The following CRYBG2 variants were observed in gnomAD, a reference collection of about 807,000 sequenced individuals.
CRYBG2 encodes crystallin beta-gamma domain containing 2, also known as beta/gamma crystallin domain-containing protein 2.
Under a neutral mutation model 153.4 loss-of-function variants are expected in CRYBG2, and 106 were observed. The observed-to-expected ratio is 0.69, with a 90% CI of 0.59 to 0.81. The LOEUF is 0.81. Among genes scored for constraint, CRYBG2 ranks in the 30% least tolerant of loss-of-function variants. The probability of loss-of-function intolerance (pLI) is 0.00; values close to 1 mark genes in which losing one functional copy is unlikely to be tolerated. For missense variants in CRYBG2, 1,996 were observed against 2,112.0 expected, an observed-to-expected ratio of 0.95 and a Z score of 1.08; for synonymous variants, 851 against 877.8, an observed-to-expected ratio of 0.97 and a Z score of 0.54.
At chr1:26,330,339 G>T (rs140122810) in intron 15 of CRYBG2, among the ~76,000 whole-genome samples, 1 of 151,988 alleles carries the variant, frequency 6.6e-6, no homozygotes, top group African/African-American at 2.4e-5. Context: ...TTTATTTGTC[G>T]TCAGAGCCCA....
At chr1:26,337,158 G>C in intron 10 of CRYBG2, 95 bp downstream of exon 10, 2 of 1,574,482 alleles carry the variant, frequency 1.3e-6, no homozygotes, top group Admixed American at 3.5e-5. Flanking sequence ...GGGAGAACAC[G>C]GAGAGGGGGT....
chr1:26,345,837 A>G lies in CRYBG2; in HGVS notation c.821T>C (p.Leu274Ser), dbSNP rs780615736. 1.9e-6 allele frequency: 3 copies of G among 1,596,562 alleles called. No homozygotes were observed. The highest frequency in any genetic ancestry group is 2.5e-6 in the Non-Finnish European group (3 of 1,179,212). ...TGLGSTVGAA[L>S]RQLPETGTAE... is the part of the protein sequence containing the mutation. Reference sequence around the variant, plus strand: ...TGTCCCGGTCTCAGGCAGCTGCCTCAAGGCTGCCCCCACTGTGCTGCCCAG... The same window carrying G: ...TGTCCCGGTCTCAGGCAGCTGCCTCGAGGCTGCCCCCACTGTGCTGCCCAG... Residue 274 changes from leucine to serine, a missense_variant, in exon 2 of 20, where the codon TTG (leucine) becomes TCG (serine). Transcript: ENST00000308182.
At chr1:26,352,897 C>T (rs1320024288) in intron 1 of CRYBG2, among the ~76,000 whole-genome samples, 3 of 151,830 alleles carry the variant, frequency 2.0e-5, no homozygotes, top group Non-Finnish European at 4.4e-5. Flanking sequence ...TTCCTTGGCA[C>T]GGAAGCAGTC....
rs2074157843 is a variant in CRYBG2, at chr1:26,343,394, T to C, written c.2914-101A>G. On this transcript the variant is annotated intron_variant, in intron 2 of 19. Coordinates refer to ENST00000308182, the MANE Select transcript of CRYBG2 (RefSeq NM_001039775.4). The surrounding 1 kb of genome is among the most constrained non-coding windows in gnomAD (Gnocchi z 4.1). ...GGATCCCACATCCTCCCTATTAACC[T>C]CCACCCGCAAGGAGCTGGCGCATAG... The C allele has an allele frequency of 7.3e-7, 1 of 1,360,904 alleles. No homozygotes were observed. The allele number at this position is 1,360,904 out of a possible 1,614,324, so 84.3% of individuals were successfully genotyped here.
chr1:26,344,385 ACCTCAT>A lies in CRYBG2; in HGVS notation c.2267_2272del (p.Asp756_Glu757del). On this transcript the variant is annotated inframe_deletion, in exon 2 of 20. Coordinates refer to ENST00000308182, the MANE Select transcript of CRYBG2 (RefSeq NM_001039775.4). ...TATCTCCAGGTCAGCGGCCAGGGCC[ACCTCAT>A]CCTCCTCCCTTGATGTCTCTGTGCA... 1 of 1,516,104 alleles carries A rather than the reference ACCTCAT, an allele frequency of 6.6e-7. No homozygotes were observed. Among genetic ancestry groups the A allele is most frequent in the South Asian group, 1.3e-5 (1 of 78,838 alleles). The allele number at this position is 1,516,104 out of a possible 1,614,324, so 93.9% of individuals were successfully genotyped here. A position where few individuals can be genotyped will look rare whatever the true frequency, so the allele number is the denominator to read the frequency against.
In CRYBG2 at chr1:26,343,623, A is replaced by AG; in HGVS notation, c.2913+121dup. On this transcript the variant is annotated intron_variant, in intron 2 of 19. Transcript: ENST00000308182. The surrounding 1 kb of genome is among the most constrained non-coding windows in gnomAD (Gnocchi z 4.1). ...GTGGCTTGCACAGGTCAACTGAACC[A>AG]GACTTCAGACAGAAGCCTCTGCCCC... is the stretch of plus-strand genomic sequence containing the variant. The AG allele has an allele frequency of 7.9e-7, 1 of 1,273,404 alleles. No homozygotes were observed. The highest frequency in any genetic ancestry group is 1.0e-6 in the Non-Finnish European group (1 of 956,420). 78.9% of individuals were successfully genotyped at this position (1,273,404 alleles called of 1,614,324 possible).
intron 15 of CRYBG2, among the ~76,000 whole-genome samples, chr1:26,329,952 G>C (rs1469903927): frequency 6.6e-6 from 1 of 152,138 alleles, no homozygotes; most frequent in Non-Finnish European, 1.5e-5. Context: ...GGCCAGGCTA[G>C]TCTCAAACTC....
Position 26,328,488 on chromosome 1 carries a change from G to A in CRYBG2, c.4455-156C>T, listed in dbSNP as rs2073960043. On this transcript the variant is annotated intron_variant, in intron 16 of 19. Coordinates refer to ENST00000308182, the MANE Select transcript of CRYBG2 (RefSeq NM_001039775.4). ...GGAATAGGGTTCCCAGGGCGGAGAG[G>A]GAGGCTGGGAAGTAGATTTGGGGTT... is the stretch of plus-strand genomic sequence containing the variant. 4 of 1,242,896 alleles carry A rather than the reference G, an allele frequency of 3.2e-6. No individual in the cohort carries two copies. The East Asian group carries it at 1.0e-4, about 32-fold the overall frequency. The allele number at this position is 1,242,896 out of a possible 1,614,324, so 77.0% of individuals were successfully genotyped here.
chr1:26,335,119 CAA>C (rs34582852), intron 14 of CRYBG2, among the ~76,000 whole-genome samples: 34,875 of 146,790 alleles, frequency 0.24, 4,188 homozygotes, highest in Non-Finnish European at 0.28. Flanking sequence ...AGATTTGGAG[CAA>C]AAAAAAAAAA....
chr1:26,350,062 A>G (rs1396298116), intron 1 of CRYBG2, among the ~76,000 whole-genome samples: 1 of 151,790 alleles, frequency 6.6e-6, no homozygotes, highest in Non-Finnish European at 1.5e-5. Flanking sequence ...AGATCTGCCC[A>G]CCTCCGCCTC....
chr1:26,351,333 G>A (rs187566574), intron 1 of CRYBG2, among the ~76,000 whole-genome samples: 31 of 152,254 alleles, frequency 2.0e-4, no homozygotes, highest in Middle Eastern at 3.4e-3. Context: ...TCCACTCTCC[G>A]AGCTTCCTTG....
chr1:26,353,710 C>T (rs1486448268), intron 1 of CRYBG2, among the ~76,000 whole-genome samples: 1 of 152,152 alleles, frequency 6.6e-6, no homozygotes, highest in Admixed American at 6.5e-5. Context: ...GGTGCCAATT[C>T]CCAGGCTGAG....
rs549881877 is a variant in CRYBG2 at position 26,344,348 on chromosome 1, C to G, written c.2310G>C (p.Thr770=). 1 of 1,504,582 alleles carries G rather than the reference C, an allele frequency of 6.6e-7. No individual in the cohort carries two copies. Among genetic ancestry groups the G allele is most frequent in the Non-Finnish European group, 8.9e-7 (1 of 1,123,976 alleles). The allele number at this position is 1,504,582 out of a possible 1,614,324, so 93.2% of individuals were successfully genotyped here. ...LAADLEIFLD[T]LRSMEPPEIL... is the part of the protein sequence containing the mutation. ...TCTCAGGGGGCTCCATGCTCCGCAG[C>G]GTATCCAGGAATATCTCCAGGTCAG... The change falls in exon 2 of 20, where the codon ACG becomes ACC. Residue 770 remains threonine, a synonymous_variant. Transcript: ENST00000308182.
In CRYBG2 at chr1:26,343,067, G is replaced by A; in HGVS notation, c.3054C>T (p.Ser1018=). 2 of 1,550,258 alleles carry A rather than the reference G, an allele frequency of 1.3e-6. No homozygotes were observed. The highest frequency in any genetic ancestry group is 1.7e-6 in the Non-Finnish European group (2 of 1,146,876). Residue 1018 remains serine, a synonymous_variant, in exon 4 of 20, where the codon TCC becomes TCT. Coordinates refer to ENST00000308182, the MANE Select transcript of CRYBG2 (RefSeq NM_001039775.4). This position sits in a 1 kb window ranked among gnomAD's most constrained non-coding sequence, Gnocchi z 4.1. ...CTCACCAGCCTCGAACTACCCTTAT[G>A]GAGGCTACGGGGGCCCAGCCTGAGG... The part of the protein sequence containing the change: ...VDASGWAPVA[S]IRVVRGCWVL...
intron 5 of CRYBG2, among the ~76,000 whole-genome samples, chr1:26,340,865 C>T (rs1219511995): frequency 6.6e-6 from 1 of 151,978 alleles, no homozygotes. Context: ...GATCCACCTG[C>T]CTCAGCCTCC....
chr1:26,329,173 C>CTTTTTTT (rs35855833), intron 15 of CRYBG2, among the ~76,000 whole-genome samples: 4 of 98,648 alleles, frequency 4.1e-5, no homozygotes, highest in African/African-American at 8.2e-5. Flanking sequence ...TTATTCTAGG[C>CTTTTTTT]TTTTTTTTTT....
At chr1:26,333,048 A>AT (rs1553167397) in intron 14 of CRYBG2, among the ~76,000 whole-genome samples, 1 of 128,350 alleles carries the variant, frequency 7.8e-6, no homozygotes, top group African/African-American at 3.0e-5. Context: ...AAAAAAAAAG[A>AT]TTTCTAACAG....
chr1:26,352,429 A>C (rs1037684621), intron 1 of CRYBG2, among the ~76,000 whole-genome samples: 10 of 152,040 alleles, frequency 6.6e-5, no homozygotes, highest in African/African-American at 2.4e-4. Context: ...ACACACAGTC[A>C]ATTCACAGCC....
rs1350848563 is a variant in CRYBG2, at chr1:26,346,275, G to C, written c.383C>G (p.Pro128Arg). ...TCCCACACATGGGGGCTCAGTCCTG[G>C]GAGCTTGGCGGCTGCCATCACTCTG... Reference protein sequence around the residue: ...VDQSDGSRQAPRTEPPCVGAM... With the variant: ...VDQSDGSRQARRTEPPCVGAM... Residue 128 changes from proline (P) to arginine (R), a missense_variant, in exon 2 of 20, where the codon CCC becomes CGC. By Grantham distance (103) the Pro-to-Arg change is moderately radical (BLOSUM62 -2). Coordinates refer to ENST00000308182, the MANE Select transcript of CRYBG2 (RefSeq NM_001039775.4). This position sits in a 1 kb window ranked among gnomAD's most constrained non-coding sequence, Gnocchi z 4.9. 1.3e-6 allele frequency: 2 copies of C among 1,594,322 alleles called. No individual in the cohort carries two copies. Among genetic ancestry groups the C allele is most frequent in the East Asian group, 4.5e-5 (2 of 44,758 alleles).
Sources: allele counts gnomAD v4.1 joint callset (sites outside exome capture counted in the v4.1 genomes callset), GRCh38; gene constraint gnomAD v4.1.1; non-coding constraint Gnocchi (gnomAD v3.1); transcripts MANE v1.5; gene names NCBI Gene and HGNC (gene_info 2026-07-23, HGNC 2026-07-21).